The following OXCT1 variants were observed in gnomAD, a reference collection of about 807,000 sequenced individuals.
OXCT1 encodes the protein 3-oxoacid CoA-transferase 1, also known as succinyl-CoA:3-ketoacid coenzyme A transferase 1, mitochondrial.
OXCT1 carries 27 observed loss-of-function variants against 69.6 expected under a neutral mutation model. The observed-to-expected ratio is 0.39, with a 90% CI of 0.29 to 0.54. The LOEUF (loss-of-function observed/expected upper bound fraction) is 0.54, where lower values mean the gene tolerates loss of function less well. Ranked by LOEUF, OXCT1 falls within the 20% of genes least tolerant of loss-of-function variation. The pLI is 0.72. For synonymous variants in OXCT1, 202 were observed against 217.8 expected (o/e 0.93, Z 0.64); for missense variants, 437 against 650.2 (o/e 0.67, Z 3.57).
chr5:41,829,752 T>C (rs777607712), intron 7 of OXCT1, among the ~76,000 whole-genome samples: 37 of 152,330 alleles, frequency 2.4e-4, no homozygotes, highest in Non-Finnish European at 4.0e-4. Flanking sequence ...ACCAAGTCCA[T>C]ATTTTTATAT....
intron 7 of OXCT1, among the ~76,000 whole-genome samples, chr5:41,823,360 C>T (rs1041599581): frequency 6.6e-6 from 1 of 152,186 alleles, no homozygotes; most frequent in Non-Finnish European, 1.5e-5. Flanking sequence ...AGACATAAAA[C>T]TCACAGAAAT....
chr5:41,763,011 A>G (rs1236512879), intron 13 of OXCT1, among the ~76,000 whole-genome samples: 2 of 152,038 alleles, frequency 1.3e-5, no homozygotes, highest in African/African-American at 4.8e-5. Context: ...ATGTCTTTGA[A>G]CTGAAACCTC....
At chr5:41,821,834 A>G (rs540433610) in intron 7 of OXCT1, among the ~76,000 whole-genome samples, 31 of 152,194 alleles carry the variant, frequency 2.0e-4, no homozygotes, top group Admixed American at 4.6e-4. Context: ...GTTTGACACC[A>G]GTCTTTTATA....
At chr5:41,820,007 C>T (rs1579806918) in intron 7 of OXCT1, among the ~76,000 whole-genome samples, 1 of 152,160 alleles carries the variant, frequency 6.6e-6, no homozygotes, top group Non-Finnish European at 1.5e-5. Context: ...ATCTAGAGTG[C>T]CTGGCTCCAG....
intron 2 of OXCT1, 71 bp from the exon 3 acceptor site, chr5:41,861,475 T>A: frequency 2.2e-6 from 2 of 925,888 alleles, no homozygotes; most frequent in Non-Finnish European, 3.6e-6. Context: ...GTGTGTGTTA[T>A]TCTTTTTAAA....
chr5:41,763,599 C>T (rs1744452568), intron 13 of OXCT1, among the ~76,000 whole-genome samples: 1 of 151,940 alleles, frequency 6.6e-6, no homozygotes, highest in African/African-American at 2.4e-5. Flanking sequence ...ATTTGTAGAG[C>T]AACAAAAGAC....
chr5:41,807,502 A>T, intron 7 of OXCT1, 64 bp from the exon 8 acceptor site: 1 of 907,586 alleles, frequency 1.1e-6, no homozygotes, highest in Non-Finnish European at 1.8e-6. Flanking sequence ...TTAATTTTTT[A>T]AAAAGTATAC....
Position 41,868,079 on chromosome 5 carries a change from C to A in OXCT1, c.78+2202G>T, listed in dbSNP as rs541360217. 3.6e-3 allele frequency among the ~76,000 whole-genome samples: 549 copies of A among 152,312 alleles called. 1 individual carries two copies. Among genetic ancestry groups the A allele is most frequent in the Admixed American group, 6.0e-3 (92 of 15,300 alleles). On this transcript the variant is annotated intron_variant, in intron 1 of 16. Transcript: ENST00000196371. Reference sequence around the variant, plus strand: ...AAATTCTGGGGGTGGGTACAGCAATCTGTTTTAGAAAACCTCCAGGTAATG... The same window carrying A: ...AAATTCTGGGGGTGGGTACAGCAATATGTTTTAGAAAACCTCCAGGTAATG...
At chr5:41,754,576 T>A (rs189816420) in intron 14 of OXCT1, among the ~76,000 whole-genome samples, 12 of 152,024 alleles carry the variant, frequency 7.9e-5, no homozygotes, top group Middle Eastern at 3.4e-3. Context: ...TTAATTTTTT[T>A]AAAAAAAGAA....
chr5:41,834,825 T>C (rs970869106), intron 7 of OXCT1, among the ~76,000 whole-genome samples: 3 of 151,966 alleles, frequency 2.0e-5, no homozygotes, highest in East Asian at 3.9e-4. Context: ...CTAATAGAGA[T>C]CTACAGAACA....
chr5:41,851,068 G>A (rs11748259), intron 4 of OXCT1, among the ~76,000 whole-genome samples: 9,431 of 152,232 alleles, frequency 0.062, 312 homozygotes, highest in Middle Eastern at 0.099. Flanking sequence ...TTTGGGAGGT[G>A]AAGGATCACT....
intron 13 of OXCT1, among the ~76,000 whole-genome samples, chr5:41,787,054 A>G (rs945288159): frequency 3.3e-5 from 5 of 152,214 alleles, no homozygotes; most frequent in Non-Finnish European, 7.3e-5. Flanking sequence ...CAAGAAAATA[A>G]TATAGCTTTT....
At chr5:41,793,146 A>G (rs1014791616) in intron 13 of OXCT1, among the ~76,000 whole-genome samples, 1 of 152,248 alleles carries the variant, frequency 6.6e-6, no homozygotes, top group African/African-American at 2.4e-5. Flanking sequence ...TCAAAAAATT[A>G]TTAGAAAACA....
Position 41,842,696 on chromosome 5 carries a change from C to G in OXCT1, c.650G>C (p.Arg217Pro). The change falls in exon 6 of 17, where the codon CGA becomes CCA. Residue 217 changes from arginine (R) to proline (P), a missense_variant. Physicochemically the swap from Arg to Pro is moderately radical, Grantham distance 103. Around this residue, in one of 4 missense-constraint regions of OXCT1, gnomAD observed 252 missense variants for 397.4 expected, o/e 0.63. Coordinates refer to ENST00000196371, the MANE Select transcript of OXCT1 (RefSeq NM_000436.4). ...ATACCTGAAAATCACGTTTCCTGCT[C>G]GGTCCGCCTTCCAGGCTTTCACCAA... Reference protein sequence around the residue: ...FALVKAWKADRAGNVIFRKSA... With the variant: ...FALVKAWKADPAGNVIFRKSA... 2 of 1,612,894 alleles carry G rather than the reference C, an allele frequency of 1.2e-6. No homozygotes were observed. Among genetic ancestry groups the G allele is most frequent in the Non-Finnish European group, 1.7e-6 (2 of 1,178,880 alleles).
chr5:41,748,272 G>A (rs1270910595), intron 15 of OXCT1, among the ~76,000 whole-genome samples: 5 of 151,938 alleles, frequency 3.3e-5, no homozygotes, highest in African/African-American at 1.2e-4. Flanking sequence ...TGGGAGCTAT[G>A]ACAGGTAGAA....
At chr5:41,786,500 G>A (rs1745650118) in intron 13 of OXCT1, among the ~76,000 whole-genome samples, 1 of 152,180 alleles carries the variant, frequency 6.6e-6, no homozygotes, top group Non-Finnish European at 1.5e-5. Context: ...GATCAAAAAT[G>A]AGGAGATGCA....
intron 15 of OXCT1, among the ~76,000 whole-genome samples, chr5:41,745,097 A>G (rs1200214192): frequency 3.3e-5 from 5 of 152,128 alleles, no homozygotes; most frequent in Non-Finnish European, 4.4e-5. Flanking sequence ...CAGAATATAC[A>G]TTATTTTCAG....
chr5:41,781,369 G>A (rs1745391284), intron 13 of OXCT1, among the ~76,000 whole-genome samples: 1 of 150,498 alleles, frequency 6.6e-6, no homozygotes, highest in African/African-American at 2.4e-5. Context: ...CTATGCCATG[G>A]ATCACATTTT....
intron 7 of OXCT1, among the ~76,000 whole-genome samples, chr5:41,822,663 G>A (rs759255471): frequency 2.0e-5 from 3 of 151,956 alleles, no homozygotes; most frequent in Non-Finnish European, 2.9e-5. Context: ...TAGTAGAGAC[G>A]GCGTTTCACC....
Sources: gnomAD v4.1 joint callset for allele counts (sites outside exome capture counted in the v4.1 genomes callset) on GRCh38, gnomAD v4.1.1 for gene constraint, gnomAD v4.1.1 regional missense constraint, MANE v1.5 for transcripts, NCBI Gene and HGNC (gene_info 2026-07-23, HGNC 2026-07-21) for gene names.